The following PPP6R1 variants were observed in gnomAD, a reference collection of about 807,000 sequenced individuals.
PPP6R1 encodes serine/threonine-protein phosphatase 6 regulatory subunit 1.
In PPP6R1, 39 loss-of-function variants were observed where a neutral mutation model predicts 104.6. The observed-to-expected ratio is 0.37, with a 90% CI of 0.29 to 0.49. The LOEUF (loss-of-function observed/expected upper bound fraction) is 0.49. PPP6R1 is among the 20% of genes least tolerant of loss of function. The pLI, the probability that PPP6R1 is intolerant of heterozygous loss-of-function variation, is 0.98. For synonymous variants in PPP6R1, 549 were observed against 479.0 expected (o/e 1.15, Z -1.91); for missense variants, 1,181 against 1,155.8 (o/e 1.02, Z -0.32).
intron 1 of PPP6R1, among the ~76,000 whole-genome samples, chr19:55,256,220 G>A (rs1008181257): frequency 5.9e-5 from 9 of 152,230 alleles, no homozygotes; most frequent in African/African-American, 2.2e-4. Flanking sequence ...CAGCTCATGA[G>A]TCACAACAGA....
At chr19:55,229,420 C>T (rs1161158970), downstream of PPP6R1, 6 of 152,586 alleles carry the variant, frequency 3.9e-5, no homozygotes, top group East Asian at 7.7e-4. Flanking sequence ...CGGTGCCACT[C>T]GCTGCACACG....
In PPP6R1 at chr19:55,245,020, G is replaced by A. The variant is rs1600112290; in HGVS notation, c.618+100C>T. 2.0e-6 allele frequency: 3 copies of A among 1,504,976 alleles called. No homozygotes were observed. The highest frequency in any genetic ancestry group is 1.8e-6 in the Non-Finnish European group (2 of 1,107,378). 93.2% of individuals were successfully genotyped at this position (1,504,976 alleles called of 1,614,324 possible). A position where few individuals can be genotyped will look rare whatever the true frequency, so the allele number is the denominator to read the frequency against. ...CCCAAAGTGCTGGAATTACAGGCGT[G>A]AGCCACTGCGTCCAGCCCCAATTCC... On this transcript the variant is annotated intron_variant, in intron 5 of 23. Coordinates refer to ENST00000412770, the MANE Select transcript of PPP6R1 (RefSeq NM_014931.4). This position sits in a 1 kb window ranked among gnomAD's most constrained non-coding sequence, Gnocchi z 6.4.
intron 1 of PPP6R1, 27 bp downstream of exon 1, chr19:55,258,408 G>A (rs1411566076): frequency 6.6e-6 from 1 of 151,900 alleles, no homozygotes. Flanking sequence ...CCTGGAGAGA[G>A]AGGGTCGGGC....
At chr19:55,231,366 A>G (rs2087344011) in intron 21 of PPP6R1, 44 bp downstream of exon 21, 2 of 1,532,208 alleles carry the variant, frequency 1.3e-6, no homozygotes, top group African/African-American at 1.4e-5. Flanking sequence ...CGAAGAGGAG[A>G]AAAGACTTCT....
Position 55,230,541 on chromosome 19 carries a change from G to C in PPP6R1, c.2643-10C>G. On this transcript the variant is annotated splice_polypyrimidine_tract_variant and intron_variant, in intron 23 of 23. Transcript: ENST00000412770. ...CGCACCAGGCAGCTATCTGGAAACA[G>C]AGGGAGATGTCGTGTGAGGGTCTAG... The C allele has an allele frequency of 6.2e-7, 1 of 1,613,580 alleles. No individual in the cohort carries two copies. Among genetic ancestry groups the C allele is most frequent in the Non-Finnish European group, 8.5e-7 (1 of 1,179,824 alleles).
chr19:55,243,404 C>CAAAAAAAAAAAAAA (rs58375899), intron 5 of PPP6R1, among the ~76,000 whole-genome samples: 7 of 49,132 alleles, frequency 1.4e-4, no homozygotes, highest in African/African-American at 4.3e-4. Flanking sequence ...GACTCCATCT[C>CAAAAAAAAAAAAAA]AAAAAAAAAA....
At chr19:55,243,716 C>CA (rs1237455798) in intron 5 of PPP6R1, among the ~76,000 whole-genome samples, 1 of 152,176 alleles carries the variant, frequency 6.6e-6, no homozygotes, top group African/African-American at 2.4e-5. Context: ...GCAGTGGTGC[C>CA]ATCACAGCTC....
At position 55,242,503 on chromosome 19, in the gene PPP6R1, G is replaced by C. The variant is rs2087467799; in HGVS notation, c.619-15C>G. The C allele has an allele frequency of 2.5e-6, 4 of 1,604,276 alleles. No homozygotes were observed. In the East Asian group the frequency reaches 8.9e-5, roughly 36 times the overall value. ...TTGGAATGTTGCTGGAACGGGGAGA[G>C]ACAGGTGAGGATCCTGGTCGGGCCA... is the stretch of plus-strand genomic sequence containing the variant. On this transcript the variant is annotated splice_polypyrimidine_tract_variant and intron_variant, in intron 5 of 23. Transcript: ENST00000412770.
At position 55,245,748 on chromosome 19, in the gene PPP6R1, C is replaced by T. The variant is rs916332352; in HGVS notation, c.228-70G>A. 6.2e-6 allele frequency: 8 copies of T among 1,292,406 alleles called. No individual in the cohort carries two copies. Among genetic ancestry groups the T allele is most frequent in the Non-Finnish European group, 8.6e-6 (8 of 930,426 alleles). 80.1% of individuals were successfully genotyped at this position (1,292,406 alleles called of 1,614,324 possible). A position where few individuals can be genotyped will look rare whatever the true frequency, so the allele number is the denominator to read the frequency against. On this transcript the variant is annotated intron_variant, in intron 2 of 23. Coordinates refer to ENST00000412770, the MANE Select transcript of PPP6R1 (RefSeq NM_014931.4). The surrounding 1 kb of genome is among the most constrained non-coding windows in gnomAD (Gnocchi z 6.4). ...GGGGCAGGGGGCGGCAAGGCTCCAC[C>T]CTCTTCTCTGCACCGGGCACTGGGT...
At chr19:55,242,880 A>G (rs888724161) in intron 5 of PPP6R1, among the ~76,000 whole-genome samples, 1 of 152,226 alleles carries the variant, frequency 6.6e-6, no homozygotes, top group African/African-American at 2.4e-5. Flanking sequence ...ATGAGCCACA[A>G]AAACATCATG....
At chr19:55,248,641 C>A (rs2087529548) in intron 1 of PPP6R1, among the ~76,000 whole-genome samples, 1 of 152,226 alleles carries the variant, frequency 6.6e-6, no homozygotes, top group African/African-American at 2.4e-5. Flanking sequence ...CAGGCCTCCA[C>A]CATCTCCTCG....
chr19:55,249,320 C>A (rs768022874), intron 1 of PPP6R1, among the ~76,000 whole-genome samples: 23 of 152,290 alleles, frequency 1.5e-4, no homozygotes, highest in Middle Eastern at 6.8e-3. Context: ...AGGTTCACCT[C>A]AACCTTCACC....
intron 15 of PPP6R1, 40 bp downstream of exon 15, chr19:55,239,365 A>C: frequency 6.4e-7 from 1 of 1,568,550 alleles, no homozygotes; most frequent in East Asian, 2.3e-5. Context: ...GCTGCTGCAG[A>C]GGCAGGACAG....
At chr19:55,232,310 T>C in intron 17 of PPP6R1, 99 bp from the exon 18 acceptor site, 1 of 1,444,402 alleles carries the variant, frequency 6.9e-7, no homozygotes, top group Non-Finnish European at 9.1e-7. Context: ...GAGAGCGGGC[T>C]GGGATGACAG....
chr19:55,246,104 C>T (rs1418514812), intron 2 of PPP6R1, among the ~76,000 whole-genome samples: 2 of 152,192 alleles, frequency 1.3e-5, no homozygotes, highest in Admixed American at 1.3e-4. Flanking sequence ...CCTGACGGCT[C>T]CAAGACAAGA....
chr19:55,253,327 T>C (rs1162746407), intron 1 of PPP6R1, among the ~76,000 whole-genome samples: 1 of 152,156 alleles, frequency 6.6e-6, no homozygotes, highest in Non-Finnish European at 1.5e-5. Context: ...AGGCAGAAAT[T>C]CTCACACTGA....
At position 55,241,413 on chromosome 19, in the gene PPP6R1, A is replaced by C; in HGVS notation, c.1009-22T>G. On this transcript the variant is annotated intron_variant, in intron 8 of 23. Transcript: ENST00000412770. The surrounding 1 kb of genome is among the most constrained non-coding windows in gnomAD (Gnocchi z 5.4). The stretch of plus-strand genomic sequence containing the variant: ...CCAGCTGCAGACACAGGGAGGCCTG[A>C]TTCCCAAGGGCTGCCCTTCCTGCTT... The C allele has an allele frequency of 6.2e-7, 1 of 1,601,144 alleles. No individual in the cohort carries two copies. Among genetic ancestry groups the C allele is most frequent in the Non-Finnish European group, 8.5e-7 (1 of 1,172,250 alleles).
chr19:55,234,452 T>C (rs1158010173), intron 17 of PPP6R1, among the ~76,000 whole-genome samples: 2 of 152,230 alleles, frequency 1.3e-5, no homozygotes, highest in African/African-American at 2.4e-5. Context: ...CAGGGAAAAC[T>C]GGTTATCTAT....
intron 1 of PPP6R1, among the ~76,000 whole-genome samples, chr19:55,248,848 G>A (rs2087531328): frequency 1.3e-5 from 2 of 152,150 alleles, no homozygotes; most frequent in East Asian, 1.9e-4. Flanking sequence ...ACGCCTCTTG[G>A]GCCTCCTTTC....
Sources: allele counts gnomAD v4.1 joint callset (sites outside exome capture counted in the v4.1 genomes callset), GRCh38; gene constraint gnomAD v4.1.1; non-coding constraint Gnocchi (gnomAD v3.1); transcripts MANE v1.5; gene names NCBI Gene and HGNC (gene_info 2026-07-23, HGNC 2026-07-21).